Variants in RPTOR observed in about 807,000 individuals in gnomAD.
RPTOR encodes the protein regulatory associated protein of MTOR complex 1.
In RPTOR, 21 loss-of-function variants were observed where a neutral mutation model predicts 169.9. That is an observed-to-expected ratio of 0.12 (90% CI 0.09 to 0.18). The LOEUF (loss-of-function observed/expected upper bound fraction) is 0.18. RPTOR is among the 10% of genes least tolerant of loss of function. The pLI, the probability that RPTOR is intolerant of heterozygous loss-of-function variation, is 1.00. For missense variants in RPTOR, 1,133 were observed against 1,855.9 expected, an observed-to-expected ratio of 0.61 and a Z score of 7.16; for synonymous variants, 732 against 753.2, an observed-to-expected ratio of 0.97 and a Z score of 0.46.
chr17:80,944,654 G>A (rs1021457471), intron 25 of RPTOR, among the ~76,000 whole-genome samples: 3 of 152,170 alleles, frequency 2.0e-5, no homozygotes, highest in Non-Finnish European at 4.4e-5. Flanking sequence ...CCAAGGTATT[G>A]ACGTCGGCCA....
chr17:80,835,815 T>A (rs1464165121), intron 9 of RPTOR, among the ~76,000 whole-genome samples: 1 of 152,210 alleles, frequency 6.6e-6, no homozygotes, highest in African/African-American at 2.4e-5. Context: ...CCCAAAACAC[T>A]TCCGGTCCCA....
chr17:80,806,983 C>T (rs1365959267), intron 7 of RPTOR, among the ~76,000 whole-genome samples: 1 of 152,210 alleles, frequency 6.6e-6, no homozygotes, highest in East Asian at 1.9e-4. Context: ...TACCAACTCA[C>T]CCTTCTTGGG....
chr17:80,731,015 A>G (rs113427090), intron 5 of RPTOR, among the ~76,000 whole-genome samples: 2 of 152,238 alleles, frequency 1.3e-5, no homozygotes, highest in South Asian at 4.1e-4. Context: ...CTGAGACTAC[A>G]GGTGCACGCC....
chr17:80,583,182 GTT>G (rs1166711662), intron 1 of RPTOR, among the ~76,000 whole-genome samples: 14 of 79,272 alleles, frequency 1.8e-4, no homozygotes, highest in African/African-American at 4.1e-4. Context: ...CCTCTTTCCT[GTT>G]TTTTTTTTTT....
intron 3 of RPTOR, among the ~76,000 whole-genome samples, chr17:80,688,447 A>G (rs1260681232): frequency 6.6e-6 from 1 of 152,198 alleles, no homozygotes; most frequent in Non-Finnish European, 1.5e-5. Flanking sequence ...CTGAAGGTAA[A>G]TGGTTCAGTA....
chr17:80,762,100 T>C (rs1037730438), intron 6 of RPTOR, among the ~76,000 whole-genome samples: 1 of 152,196 alleles, frequency 6.6e-6, no homozygotes, highest in Non-Finnish European at 1.5e-5. Flanking sequence ...ACTGTTCCAG[T>C]CTCTTGACAT....
intron 1 of RPTOR, among the ~76,000 whole-genome samples, chr17:80,619,688 A>C (rs1289663664): frequency 1.3e-5 from 2 of 152,166 alleles, no homozygotes; most frequent in Admixed American, 1.3e-4. Flanking sequence ...GATTGATTCC[A>C]TGGAGAGTGG....
intron 1 of RPTOR, chr17:80,602,694 CT>C: frequency 2.7e-6 from 2 of 744,334 alleles, no homozygotes; most frequent in Non-Finnish European, 2.4e-6. Flanking sequence ...GGGGACATTC[CT>C]TATTCCTTTG....
intron 14 of RPTOR, among the ~76,000 whole-genome samples, chr17:80,882,349 T>G (rs1408923001): frequency 6.6e-6 from 1 of 152,232 alleles, no homozygotes; most frequent in Non-Finnish European, 1.5e-5. Context: ...AATTCGTACA[T>G]AGACGCATCA....
At chr17:80,731,141 G>T (rs920664668) in intron 5 of RPTOR, among the ~76,000 whole-genome samples, 1 of 152,172 alleles carries the variant, frequency 6.6e-6, no homozygotes, top group Non-Finnish European at 1.5e-5. Context: ...AGCCTGCAAA[G>T]TTCTGGGATT....
chr17:80,890,677 T>TCCCG (rs1221532430), intron 17 of RPTOR, among the ~76,000 whole-genome samples: 1 of 151,888 alleles, frequency 6.6e-6, no homozygotes, highest in Non-Finnish European at 1.5e-5. Flanking sequence ...CAGGGAGAGT[T>TCCCG]TGGGGTGCAG....
At position 80,768,898 on chromosome 17, in the gene RPTOR, TC is replaced by T. The variant is rs2066814695; in HGVS notation, c.830+14715del. Among the ~76,000 whole-genome samples, 3 of 152,296 alleles carry T rather than the reference TC, an allele frequency of 2.0e-5. No individual in the cohort carries two copies. In the South Asian group the frequency reaches 6.2e-4, roughly 32 times the overall value. ...TGCAAAAACTGTCAGTGCATTCAGC[TC>T]CGTATTTAATAGCAGGCATTCATGA... On this transcript the variant is annotated intron_variant, in intron 6 of 33. Coordinates refer to ENST00000306801, the MANE Select transcript of RPTOR (RefSeq NM_020761.3).
Position 80,640,831 on chromosome 17 carries a change from G to A in RPTOR, c.266-2897G>A, listed in dbSNP as rs534661123. Among the ~76,000 whole-genome samples, 162 of 152,338 alleles carry A rather than the reference G, an allele frequency of 1.1e-3. 1 individual carries two copies. Among genetic ancestry groups the A allele is most frequent in the South Asian group, 1.5e-3 (7 of 4,826 alleles). On this transcript the variant is annotated intron_variant, in intron 2 of 33. Transcript: ENST00000306801. The stretch of plus-strand genomic sequence containing the variant: ...TTCTTCCTCTGTCCGTGGTTCACTG[G>A]AGAGCATGCATAGTGTGAGCCACCG...
intron 4 of RPTOR, among the ~76,000 whole-genome samples, chr17:80,713,346 T>G (rs79961397): frequency 6.6e-6 from 1 of 152,102 alleles, no homozygotes; most frequent in African/African-American, 2.4e-5. Context: ...ACACCCGGCC[T>G]GGATGCCAGT....
intron 1 of RPTOR, among the ~76,000 whole-genome samples, chr17:80,589,237 T>C (rs2065085571): frequency 6.6e-6 from 1 of 152,206 alleles, no homozygotes; most frequent in Admixed American, 6.5e-5. Flanking sequence ...GCAGGGACTA[T>C]GATGACTCCT....
rs11870099 is a variant in RPTOR at position 80,883,615 on chromosome 17, C to T, written c.1650+131C>T. 1.3e-3 allele frequency: 1,504 copies of T among 1,173,932 alleles called. 14 individuals are homozygous for T. In the African/African-American group the frequency reaches 0.02, roughly 16 times the overall value. 72.7% of individuals were successfully genotyped at this position (1,173,932 alleles called of 1,614,324 possible). A position where few individuals can be genotyped will look rare whatever the true frequency, so the allele number is the denominator to read the frequency against. ...CAGAGGCTCTGACCCTTCATCTAGC[C>T]AGCCATTTGCAGGCTGAATATGAAT... On this transcript the variant is annotated intron_variant, in intron 15 of 33. Coordinates refer to ENST00000306801, the MANE Select transcript of RPTOR (RefSeq NM_020761.3).
At chr17:80,585,640 G>T (rs1386640131) in intron 1 of RPTOR, among the ~76,000 whole-genome samples, 1 of 152,224 alleles carries the variant, frequency 6.6e-6, no homozygotes, top group Non-Finnish European at 1.5e-5. Context: ...ACGCTGCTAC[G>T]TCGCTCAGGC....
intron 28 of RPTOR, among the ~76,000 whole-genome samples, chr17:80,955,707 A>T (rs1053032661): frequency 6.6e-6 from 1 of 152,210 alleles, no homozygotes; most frequent in Non-Finnish European, 1.5e-5. Flanking sequence ...CCACACATCG[A>T]TAAGGATTTG....
At chr17:80,694,494 C>T (rs763998197) in intron 3 of RPTOR, among the ~76,000 whole-genome samples, 7 of 152,352 alleles carry the variant, frequency 4.6e-5, no homozygotes, top group Non-Finnish European at 8.8e-5. Flanking sequence ...AAGGCTTGTG[C>T]GTTGAGTGCC....
Sources: allele counts gnomAD v4.1 joint callset (sites outside exome capture counted in the v4.1 genomes callset), GRCh38; gene constraint gnomAD v4.1.1; transcripts MANE v1.5; gene names NCBI Gene and HGNC (gene_info 2026-07-23, HGNC 2026-07-21).